The following LIN9 variants were observed in gnomAD, a reference collection of about 807,000 sequenced individuals.
The protein encoded by LIN9 is lin-9 DREAM MuvB core complex component.
In LIN9, 18 loss-of-function variants were observed where a neutral mutation model predicts 78.0. The ratio of observed to expected loss-of-function variants is 0.23; its 90% CI spans 0.16 to 0.34. The LOEUF is 0.34. Ranked by LOEUF, LIN9 falls within the 10% of genes least tolerant of loss-of-function variation. The probability of loss-of-function intolerance (pLI) is 1.00; values close to 1 mark genes in which losing one functional copy is unlikely to be tolerated. For missense variants in LIN9, 451 were observed against 644.1 expected (o/e 0.70, Z 3.25); for synonymous variants, 192 against 215.2 (o/e 0.89, Z 0.94).
intron 10 of LIN9, among the ~76,000 whole-genome samples, chr1:226,256,567 A>T (rs190413318): frequency 1.4e-4 from 21 of 150,490 alleles, no homozygotes; most frequent in Admixed American, 4.6e-4. Flanking sequence ...ATATATATAT[A>T]TATTTTTTTG....
chr1:226,232,535 T>A lies in LIN9; in HGVS notation c.1595A>T (p.His532Leu). ...GTTGGTGTTATTTGCTGCAAAGGCATGTAAGTTTCCCATCTGGCTCAGGCC... is the reference window on the plus strand; with the variant it reads ...GTTGGTGTTATTTGCTGCAAAGGCAAGTAAGTTTCCCATCTGGCTCAGGCC... ...QSGLSQMGNL[H>L]AFAANNTNRD The change falls in exon 15 of 15, where the codon CAT becomes CTT. Residue 532 changes from histidine (H) to leucine (L), a missense_variant. Transcript: ENST00000681046. The A allele has an allele frequency of 6.2e-7, 1 of 1,612,288 alleles. No homozygotes were observed. The highest frequency in any genetic ancestry group is 2.2e-5 in the East Asian group (1 of 44,810).
intron 1 of LIN9, among the ~76,000 whole-genome samples, chr1:226,307,497 G>A (rs193079950): frequency 2.0e-5 from 3 of 152,220 alleles, no homozygotes; most frequent in East Asian, 1.9e-4. Context: ...TTAGGCAGGC[G>A]TGGTGGCACA....
chr1:226,273,291 C>T (rs1378728102), intron 7 of LIN9, among the ~76,000 whole-genome samples: 1 of 118,836 alleles, frequency 8.4e-6, no homozygotes, highest in Non-Finnish European at 1.6e-5. Context: ...GACAAGGTCT[C>T]ACTCTGTCCA....
intron 6 of LIN9, among the ~76,000 whole-genome samples, chr1:226,279,088 G>A (rs1420933974): frequency 1.3e-5 from 2 of 152,032 alleles, no homozygotes; most frequent in Non-Finnish European, 2.9e-5. Context: ...GTGAACCCGG[G>A]AGGCTGAGCT....
At chr1:226,282,901 A>T (rs889978287) in intron 6 of LIN9, among the ~76,000 whole-genome samples, 1 of 152,136 alleles carries the variant, frequency 6.6e-6, no homozygotes, top group Non-Finnish European at 1.5e-5. Context: ...GTAAAATGGA[A>T]TTTTTTTCAT....
intron 7 of LIN9, among the ~76,000 whole-genome samples, chr1:226,270,361 A>C (rs1660185700): frequency 2.0e-5 from 3 of 152,174 alleles, no homozygotes; most frequent in African/African-American, 7.2e-5. Flanking sequence ...CAAATCCAAC[A>C]ACTCTCCAAA....
chr1:226,257,991 C>A (rs1333864216), intron 10 of LIN9, among the ~76,000 whole-genome samples: 1 of 151,872 alleles, frequency 6.6e-6, no homozygotes, highest in Non-Finnish European at 1.5e-5. Context: ...TCAAGACCAG[C>A]CTGGGGTACA....
At chr1:226,262,708 C>A (rs1485175507) in intron 10 of LIN9, among the ~76,000 whole-genome samples, 1 of 152,184 alleles carries the variant, frequency 6.6e-6, no homozygotes, top group Non-Finnish European at 1.5e-5. Flanking sequence ...GGTACAGCCA[C>A]TTTAGAACAC....
chr1:226,286,778 A>G (rs10127776), intron 5 of LIN9, among the ~76,000 whole-genome samples: 98,345 of 152,060 alleles, frequency 0.65, 32,198 homozygotes, highest in East Asian at 0.71. Flanking sequence ...GCTACAAAGT[A>G]TCTTTGTCCC....
chr1:226,250,552 C>T (rs765826902), intron 11 of LIN9, among the ~76,000 whole-genome samples: 4 of 151,926 alleles, frequency 2.6e-5, no homozygotes, highest in Non-Finnish European at 4.4e-5. Context: ...TGTATGTATT[C>T]CTGTATTCAT....
chr1:226,238,627 C>CAA (rs201095062), intron 12 of LIN9, among the ~76,000 whole-genome samples: 1 of 142,256 alleles, frequency 7.0e-6, no homozygotes, highest in African/African-American at 2.6e-5. Context: ...GACCCTGTCT[C>CAA]AAAAAAAATA....
At chr1:226,250,145 G>T (rs1013662870) in intron 11 of LIN9, among the ~76,000 whole-genome samples, 1 of 151,310 alleles carries the variant, frequency 6.6e-6, no homozygotes, top group Non-Finnish European at 1.5e-5. Flanking sequence ...ACTCCAGCCT[G>T]GGCGACGAGC....
intron 4 of LIN9, among the ~76,000 whole-genome samples, chr1:226,290,247 GGAAA>G (rs1363071676): frequency 1.3e-5 from 2 of 151,324 alleles, no homozygotes; most frequent in East Asian, 1.9e-4. Context: ...TTACAGAAAA[GGAAA>G]GAAATAATTT....
At chr1:226,301,080 T>C in intron 2 of LIN9, 93 bp downstream of exon 2, 1 of 876,818 alleles carries the variant, frequency 1.1e-6, no homozygotes, top group Non-Finnish European at 1.7e-6. Context: ...CAATGAATCA[T>C]AACTTAGAAG....
chr1:226,232,021 T>C lies in LIN9; in HGVS notation c.*480A>G. Reference sequence around the variant, plus strand: ...TAAAACTAGGACTTCCCACACCTCATGATGTTATCTTTTGAAGACTGAGAT... The same window carrying C: ...TAAAACTAGGACTTCCCACACCTCACGATGTTATCTTTTGAAGACTGAGAT... On this transcript the variant is annotated 3_prime_UTR_variant, in exon 15 of 15. Transcript: ENST00000681046. The C allele has an allele frequency of 2.5e-6, 1 of 398,200 alleles. No homozygotes were observed. 24.7% of individuals were successfully genotyped at this position (398,200 alleles called of 1,614,324 possible). A position where few individuals can be genotyped will look rare whatever the true frequency, so the allele number is the denominator to read the frequency against.
intron 10 of LIN9, among the ~76,000 whole-genome samples, chr1:226,259,851 A>G (rs1241244685): frequency 1.3e-5 from 2 of 151,920 alleles, no homozygotes; most frequent in Non-Finnish European, 2.9e-5. Context: ...TTAAGCTTCC[A>G]CCTTAGGAAA....
Position 226,231,834 on chromosome 1 carries a change from CTTCA to C in LIN9, c.*663_*666del, listed in dbSNP as rs1009119249. The stretch of plus-strand genomic sequence containing the variant: ...TTTTGCACCTTTTTTCCCCCTGTTC[CTTCA>C]TTTTCTTTCAACAAACAACAAAGGT... On this transcript the variant is annotated 3_prime_UTR_variant, in exon 15 of 15. Coordinates refer to ENST00000681046, the MANE Select transcript of LIN9 (RefSeq NM_001366245.2). 8.3e-6 allele frequency: 2 copies of C among 241,130 alleles called. No individual in the cohort carries two copies. Among genetic ancestry groups the C allele is most frequent in the Non-Finnish European group, 1.6e-5 (2 of 128,916 alleles). 14.9% of individuals were successfully genotyped at this position (241,130 alleles called of 1,614,324 possible).
chr1:226,273,724 G>A (rs1342948895), intron 7 of LIN9, among the ~76,000 whole-genome samples: 1 of 151,966 alleles, frequency 6.6e-6, no homozygotes, highest in Non-Finnish European at 1.5e-5. Flanking sequence ...CAGAAACTCA[G>A]AGGTAGAGCC....
intron 7 of LIN9, among the ~76,000 whole-genome samples, chr1:226,273,543 C>G (rs751779959): frequency 6.6e-6 from 1 of 152,074 alleles, no homozygotes; most frequent in Non-Finnish European, 1.5e-5. Flanking sequence ...CTGTACCTGG[C>G]CAAATTCAAT....
Sources: allele counts gnomAD v4.1 joint callset (sites outside exome capture counted in the v4.1 genomes callset), GRCh38; gene constraint gnomAD v4.1.1; transcripts MANE v1.5; gene names NCBI Gene and HGNC (gene_info 2026-07-23, HGNC 2026-07-21).